Variants in GPATCH1 observed in about 807,000 individuals in gnomAD.
The protein encoded by GPATCH1 is G-patch domain containing 1.
A neutral mutation model predicts 114.9 loss-of-function variants in GPATCH1; 73 were observed. The ratio of observed to expected loss-of-function variants is 0.64; its 90% CI spans 0.53 to 0.77. GPATCH1 has a LOEUF of 0.77. Among genes scored for constraint, GPATCH1 ranks in the 30% least tolerant of loss-of-function variants. The probability of loss-of-function intolerance (pLI) is 0.00; values close to 1 mark genes in which losing one functional copy is unlikely to be tolerated. For synonymous variants in GPATCH1, 391 were observed against 428.4 expected (o/e 0.91, Z 1.08); for missense variants, 1,058 against 1,144.3 (o/e 0.92, Z 1.09).
chr19:33,126,165 G>A (rs574800947), intron 18 of GPATCH1, among the ~76,000 whole-genome samples: 8 of 152,264 alleles, frequency 5.3e-5, no homozygotes, highest in African/African-American at 1.9e-4. Context: ...TCTGCTGTTC[G>A]GTAACCTTCT....
intron 12 of GPATCH1, 48 bp from the exon 13 acceptor site, chr19:33,112,438 G>C: frequency 6.2e-7 from 1 of 1,608,178 alleles, no homozygotes; most frequent in Non-Finnish European, 8.5e-7. Context: ...GAGCAGTCAG[G>C]TCAGTGGTGC....
intron 11 of GPATCH1, among the ~76,000 whole-genome samples, chr19:33,110,240 T>G (rs1405860654): frequency 6.6e-6 from 1 of 152,214 alleles, no homozygotes; most frequent in Non-Finnish European, 1.5e-5. Context: ...GCTAGCTGTT[T>G]AAGTAGAGAA....
intron 7 of GPATCH1, 136 bp from the exon 8 acceptor site, chr19:33,097,618 AC>A (rs1284699821): frequency 1.3e-6 from 1 of 753,730 alleles, no homozygotes; most frequent in Admixed American, 2.5e-5. Flanking sequence ...TCGATCTGGG[AC>A]CCCCGTTCAC....
chr19:33,086,003 A>G (rs1972530881), intron 1 of GPATCH1, among the ~76,000 whole-genome samples: 1 of 152,198 alleles, frequency 6.6e-6, no homozygotes, highest in African/African-American at 2.4e-5. Context: ...ACCGTAGCCC[A>G]GTGGGACAGT....
rs773482162 is a variant in GPATCH1, at chr19:33,106,786, T to C, written c.1172T>C (p.Leu391Pro). The C allele has an allele frequency of 1.9e-6, 3 of 1,613,696 alleles. No individual in the cohort carries two copies. In the Admixed American group the frequency reaches 5.0e-5, roughly 27 times the overall value. Residue 391 changes from leucine (L) to proline (P), a missense_variant, in exon 10 of 20, where the codon CTG becomes CCG. Leu to Pro is a moderately conservative substitution (Grantham distance 98, BLOSUM62 -3). Coordinates refer to ENST00000170564, the MANE Select transcript of GPATCH1 (RefSeq NM_018025.3). The stretch of plus-strand genomic sequence containing the variant: ...GCCACCTCCGAGAACTCACACTTAC[T>C]GCAGGTATTATCAGAGTCAGCTGGA... ...VAATSENSHLLQVLSESAGKA... is the reference protein window; with the variant it reads ...VAATSENSHLPQVLSESAGKA...
chr19:33,083,634 AT>A (rs1426874126), intron 1 of GPATCH1, among the ~76,000 whole-genome samples: 4 of 152,030 alleles, frequency 2.6e-5, no homozygotes, highest in Non-Finnish European at 5.9e-5. Context: ...AGGTCAAGCA[AT>A]CCATCTGCCT....
At chr19:33,115,218 C>A (rs1190152618) in intron 15 of GPATCH1, among the ~76,000 whole-genome samples, 1 of 142,874 alleles carries the variant, frequency 7.0e-6, no homozygotes, top group African/African-American at 2.6e-5. Context: ...ACCACCATGC[C>A]TGGCTAATTT....
At position 33,119,098 on chromosome 19, in the gene GPATCH1, G is replaced by A; in HGVS notation, c.2502G>A (p.Leu834=). 1 of 1,608,834 alleles carries A rather than the reference G, an allele frequency of 6.2e-7. No individual in the cohort carries two copies. The highest frequency in any genetic ancestry group is 8.5e-7 in the Non-Finnish European group (1 of 1,176,704). Residue 834 remains leucine (L), a synonymous_variant, in exon 17 of 20, where the codon CTG becomes CTA. Transcript: ENST00000170564. The part of the protein sequence containing the change: ...IDEREEFGPR[L]PPVFCPNARQ... ...AAAGAGAAGAGTTCGGCCCGCGGCT[G>A]CCTCCCGTCTTCTGCCCCAGTGAGT...
chr19:33,118,176 ATTT>A (rs35859593), intron 16 of GPATCH1, 135 bp downstream of exon 16: 873 of 276,150 alleles, frequency 3.2e-3, no homozygotes, highest in South Asian at 4.7e-3. Context: ...TATGTATATA[ATTT>A]TTTTTTTTTT....
intron 9 of GPATCH1, among the ~76,000 whole-genome samples, chr19:33,103,413 G>A (rs1237759128): frequency 6.6e-6 from 1 of 152,056 alleles, no homozygotes; most frequent in African/African-American, 2.4e-5. Context: ...TGAAAAGGAA[G>A]CATAAGGCCG....
At position 33,114,404 on chromosome 19, in the gene GPATCH1, A is replaced by G. The variant is rs2145331409; in HGVS notation, c.2181A>G (p.Glu727=). 1 of 1,600,938 alleles carries G rather than the reference A, an allele frequency of 6.2e-7. No homozygotes were observed. Among genetic ancestry groups the G allele is most frequent in the East Asian group, 2.2e-5 (1 of 44,780 alleles). The change falls in exon 15 of 20, where the codon GAA becomes GAG. Residue 727 remains glutamate, a synonymous_variant. Coordinates refer to ENST00000170564, the MANE Select transcript of GPATCH1 (RefSeq NM_018025.3). The stretch of plus-strand genomic sequence containing the variant: ...ACAAAGAGGAAGAGCATGCACCAGA[A>G]TTATCCGCAAATCAGGTATTTGGGG... The part of the protein sequence containing the change: ...LVNKEEEHAP[E]LSANQTVNKD...
At chr19:33,083,896 G>A (rs1972507163) in intron 1 of GPATCH1, among the ~76,000 whole-genome samples, 1 of 151,960 alleles carries the variant, frequency 6.6e-6, no homozygotes, top group Admixed American at 6.6e-5. Context: ...TACAACCTCT[G>A]CCTCCCAGGT....
chr19:33,113,873 GA>G lies in GPATCH1; in HGVS notation c.2004del (p.Val669TyrfsTer32). 6.2e-7 allele frequency: 1 copy of G among 1,614,076 alleles called. No homozygotes were observed. Among genetic ancestry groups the G allele is most frequent in the Non-Finnish European group, 8.5e-7 (1 of 1,179,988 alleles). ...CTTGCCCACCACTCAAGCATCAAGT[GA>G]AAAAGTATCACAGCACCGAGGTCCC... Reference protein sequence around the residue: ...ASLPTTQASSEKVSQHRGPDK... With the variant: ...ASLPTTQASSXKVSQHRGPDK... On this transcript the variant is annotated frameshift_variant, in exon 14 of 20. Coordinates refer to ENST00000170564, the MANE Select transcript of GPATCH1 (RefSeq NM_018025.3). LOFTEE classifies it high-confidence loss of function.
intron 1 of GPATCH1, among the ~76,000 whole-genome samples, chr19:33,083,005 G>A (rs1682866502): frequency 6.6e-6 from 1 of 152,114 alleles, no homozygotes; most frequent in African/African-American, 2.4e-5. Context: ...TTGGGAGGCC[G>A]AGGCGGGCAG....
In GPATCH1 at chr19:33,081,193, G is replaced by T; in HGVS notation, c.-1G>T. The T allele has an allele frequency of 6.4e-7, 1 of 1,551,194 alleles. No homozygotes were observed. The highest frequency in any genetic ancestry group is 1.2e-5 in the South Asian group (1 of 84,028). On this transcript the variant is annotated 5_prime_UTR_variant, in exon 1 of 20. Transcript: ENST00000170564. Reference sequence around the variant, plus strand: ...GAGGGGGCGGGGCCCGGAAGAGCAGGATGGCGGCGCGGGACAGTGACAGCG... The same window carrying T: ...GAGGGGGCGGGGCCCGGAAGAGCAGTATGGCGGCGCGGGACAGTGACAGCG...
chr19:33,099,122 T>G (rs1568341916), intron 8 of GPATCH1, among the ~76,000 whole-genome samples: 1 of 148,564 alleles, frequency 6.7e-6, no homozygotes, highest in Admixed American at 6.8e-5. Context: ...ATGATTTATA[T>G]TTTATATAAT....
In GPATCH1 at chr19:33,093,476, A is replaced by G; in HGVS notation, c.412A>G (p.Ile138Val). The change falls in exon 4 of 20, where the codon ATT becomes GTT. Residue 138 changes from isoleucine to valine, a missense_variant. Around this residue, in one of 3 missense-constraint regions of GPATCH1, gnomAD observed 893 missense variants for 977.4 expected, o/e 0.91. Transcript: ENST00000170564. ...GCAGTTGGCCGCTGCTACTGCCCCT[A>G]TTCCTGGAGCCACCCTCCTTGATGA... ...ARQLAAATAPIPGATLLDDLI... is the reference protein window; with the variant it reads ...ARQLAAATAPVPGATLLDDLI... 1 of 1,614,034 alleles carries G rather than the reference A, an allele frequency of 6.2e-7. No individual in the cohort carries two copies. The highest frequency in any genetic ancestry group is 1.1e-5 in the South Asian group (1 of 91,074).
chr19:33,081,216 G>A lies in GPATCH1; in HGVS notation c.23G>A (p.Ser8Asn). 6.4e-7 allele frequency: 1 copy of A among 1,551,706 alleles called. No individual in the cohort carries two copies. The highest frequency in any genetic ancestry group is 8.7e-7 in the Non-Finnish European group (1 of 1,147,030). ...AGGATGGCGGCGCGGGACAGTGACA[G>A]CGAAGAAGATCTGGTCAGCTATGGG... MAARDSD[S>N]EEDLVSYGTG... The change falls in exon 1 of 20, where the codon AGC becomes AAC. Residue 8 changes from serine to asparagine, a missense_variant. Physicochemically the swap from Ser to Asn is conservative, Grantham distance 46. Transcript: ENST00000170564.
At chr19:33,094,293 G>A in intron 5 of GPATCH1, 24 bp downstream of exon 5, 3 of 1,189,496 alleles carry the variant, frequency 2.5e-6, no homozygotes, top group Non-Finnish European at 3.8e-6. Flanking sequence ...TTGATTAACT[G>A]TTATCACTGC....
Sources: allele counts gnomAD v4.1 joint callset (sites outside exome capture counted in the v4.1 genomes callset), GRCh38; gene constraint gnomAD v4.1.1; regional missense constraint gnomAD v4.1.1; transcripts MANE v1.5; gene names NCBI Gene and HGNC (gene_info 2026-07-23, HGNC 2026-07-21).